DOCK1: variants seen among roughly 807,000 people sequenced by gnomAD.
DOCK1 encodes dedicator of cytokinesis 1.
A neutral mutation model predicts 262.7 loss-of-function variants in DOCK1; 138 were observed. The observed-to-expected ratio is 0.53, with a 90% confidence interval of 0.46 to 0.61. The LOEUF (loss-of-function observed/expected upper bound fraction) is 0.61, where lower values mean the gene tolerates loss of function less well. Ranked by LOEUF, DOCK1 falls within the 20% of genes least tolerant of loss-of-function variation. DOCK1 has a pLI of 0.00. For synonymous variants in DOCK1, 866 were observed against 867.4 expected (o/e 1.00, Z 0.03); for missense variants, 1,908 against 2,370.7 (o/e 0.80, Z 4.05).
At chr10:127,005,060 G>T (rs978706986) in intron 10 of DOCK1, among the ~76,000 whole-genome samples, 5 of 151,910 alleles carry the variant, frequency 3.3e-5, no homozygotes, top group African/African-American at 9.7e-5. Flanking sequence ...TACTTGGTCG[G>T]GTGCAGTGGC....
rs1444343204 is a variant in DOCK1, at chr10:127,100,308, A to G, written c.2446-5923A>G. The stretch of plus-strand genomic sequence containing the variant: ...TGTTCCGGGGGGAGTTAACAGCCTG[A>G]ACCGAGGGCTCTGTCGCTGCCTAGA... On this transcript the variant is annotated intron_variant, in intron 23 of 51. Coordinates refer to ENST00000623213, the MANE Select transcript of DOCK1 (RefSeq NM_001290223.2). This position sits in a 1 kb window ranked among gnomAD's most constrained non-coding sequence, Gnocchi z 5.5. 2.0e-5 allele frequency among the ~76,000 whole-genome samples: 3 copies of G among 152,086 alleles called. No individual in the cohort carries two copies. The highest frequency in any genetic ancestry group is 4.4e-5 in the Non-Finnish European group (3 of 68,018).
At chr10:127,288,014 TTA>T (rs1325146129) in intron 29 of DOCK1, among the ~76,000 whole-genome samples, 1 of 152,246 alleles carries the variant, frequency 6.6e-6, no homozygotes, top group Non-Finnish European at 1.5e-5. Flanking sequence ...AGAGTGTTTA[TTA>T]AAGGAAAGGA....
intron 29 of DOCK1, among the ~76,000 whole-genome samples, chr10:127,301,748 C>T (rs532008088): frequency 6.6e-6 from 1 of 152,110 alleles, no homozygotes; most frequent in South Asian, 2.1e-4. Context: ...GAGTTCGAGA[C>T]CAGCCTAGCC....
At chr10:127,285,000 G>A (rs1348618272) in intron 29 of DOCK1, among the ~76,000 whole-genome samples, 1 of 152,038 alleles carries the variant, frequency 6.6e-6, no homozygotes, top group South Asian at 2.1e-4. Flanking sequence ...AGCTGGGTGA[G>A]GTGGTGTGCC....
At chr10:127,040,181 A>T (rs1005002853) in intron 19 of DOCK1, among the ~76,000 whole-genome samples, 3 of 152,218 alleles carry the variant, frequency 2.0e-5, no homozygotes, top group African/African-American at 7.2e-5. Context: ...AGCAGATGGC[A>T]TCAAGTTTTG....
intron 23 of DOCK1, among the ~76,000 whole-genome samples, chr10:127,086,344 T>G (rs1449545846): frequency 6.6e-6 from 1 of 152,004 alleles, no homozygotes; most frequent in African/African-American, 2.4e-5. Flanking sequence ...AGTAACCTTC[T>G]CTTTGAGTCC....
At chr10:127,222,628 TTTGTGTTGTGTTGTG>T (rs71032542) in intron 27 of DOCK1, among the ~76,000 whole-genome samples, 4,633 of 145,610 alleles carry the variant, frequency 0.032, 145 homozygotes, top group African/African-American at 0.086. Flanking sequence ...GTGTTTTTGT[TTTGTGTTGTGTTGTG>T]TTGTGTTGTG....
At chr10:127,390,598 C>T (rs1239270982) in intron 38 of DOCK1, among the ~76,000 whole-genome samples, 2 of 152,072 alleles carry the variant, frequency 1.3e-5, no homozygotes, top group Non-Finnish European at 1.5e-5. Context: ...AGAAGGCAGC[C>T]ATCTACAAGC....
At chr10:127,008,638 T>G (rs2041204850) in intron 10 of DOCK1, 94 bp from the exon 11 acceptor site, 1 of 1,071,018 alleles carries the variant, frequency 9.3e-7, no homozygotes, top group African/African-American at 1.6e-5. Context: ...TTGCTGTTGT[T>G]TGCCAGAAGA....
At chr10:127,148,577 A>ATGTTTCAT (rs2052153952) in intron 27 of DOCK1, among the ~76,000 whole-genome samples, 1 of 152,184 alleles carries the variant, frequency 6.6e-6, no homozygotes, top group Non-Finnish European at 1.5e-5. Context: ...TTTGCCGATG[A>ATGTTTCAT]TGTTTCATTG....
chr10:127,137,521 A>T, intron 27 of DOCK1: 1 of 251,726 alleles, frequency 4.0e-6, no homozygotes, highest in East Asian at 8.0e-5. Context: ...GCCATCTCGC[A>T]GGTTGATAAT....
chr10:126,991,967 C>T (rs566009334), intron 6 of DOCK1, among the ~76,000 whole-genome samples: 1 of 152,288 alleles, frequency 6.6e-6, no homozygotes, highest in Non-Finnish European at 1.5e-5. Flanking sequence ...TCCAGCCATT[C>T]AGCAGAAAGG....
At chr10:127,180,746 A>C (rs2133960820) in intron 27 of DOCK1, among the ~76,000 whole-genome samples, 1 of 152,370 alleles carries the variant, frequency 6.6e-6, no homozygotes, top group East Asian at 1.9e-4. Flanking sequence ...ATTATGGTTT[A>C]CATTCACTCT....
intron 29 of DOCK1, among the ~76,000 whole-genome samples, chr10:127,327,959 T>C (rs552271672): frequency 6.6e-6 from 1 of 152,204 alleles, no homozygotes; most frequent in African/African-American, 2.4e-5. Flanking sequence ...CCTGTAGCTC[T>C]TCTCCAAGGG....
Position 127,226,991 on chromosome 10 carries a change from A to G in DOCK1, c.2848-21017A>G, listed in dbSNP as rs557720675. On this transcript the variant is annotated intron_variant, in intron 27 of 51. Transcript: ENST00000623213. ...CTCACTAGACACAGGGGCAGAGACC[A>G]TGTTGCGTATTTTCTTCCATGCCCC... is the stretch of plus-strand genomic sequence containing the variant. 3.3e-5 allele frequency among the ~76,000 whole-genome samples: 5 copies of G among 152,220 alleles called. No homozygotes were observed. In the South Asian group the frequency reaches 1.0e-3, roughly 32 times the overall value.
chr10:126,974,271 C>T (rs2038342582), intron 2 of DOCK1, among the ~76,000 whole-genome samples: 1 of 152,166 alleles, frequency 6.6e-6, no homozygotes, highest in Non-Finnish European at 1.5e-5. Flanking sequence ...AGATGCTGCA[C>T]CAGAGGCAAG....
At position 127,451,520 on chromosome 10, in the gene DOCK1, G is replaced by A; in HGVS notation, c.*93G>A. 1 of 1,535,724 alleles carries A rather than the reference G, an allele frequency of 6.5e-7. No homozygotes were observed. The highest frequency in any genetic ancestry group is 1.4e-5 in the African/African-American group (1 of 72,916). On this transcript the variant is annotated 3_prime_UTR_variant, in exon 52 of 52. Coordinates refer to ENST00000623213, the MANE Select transcript of DOCK1 (RefSeq NM_001290223.2). ...CCTGAGTCTGCTGTTTACCTCATTGGGCCTGTGATGTTAACATTTCGTGCG... is the reference window on the plus strand; with the variant it reads ...CCTGAGTCTGCTGTTTACCTCATTGAGCCTGTGATGTTAACATTTCGTGCG...
intron 30 of DOCK1, among the ~76,000 whole-genome samples, 198 bp from the exon 31 acceptor site, chr10:127,343,448 C>T (rs771069010): frequency 6.6e-6 from 1 of 151,986 alleles, no homozygotes; most frequent in South Asian, 2.1e-4. Context: ...ATATGTGCAC[C>T]GTGACCTCTG....
chr10:126,947,210 T>A (rs2134308036), intron 1 of DOCK1, among the ~76,000 whole-genome samples: 1 of 151,040 alleles, frequency 6.6e-6, no homozygotes, highest in East Asian at 1.9e-4. Context: ...AGTTTACCTC[T>A]GCCATGATGA....
Sources: allele counts gnomAD v4.1 joint callset (sites outside exome capture counted in the v4.1 genomes callset), GRCh38; gene constraint gnomAD v4.1.1; non-coding constraint Gnocchi (gnomAD v3.1); transcripts MANE v1.5; gene names NCBI Gene and HGNC (gene_info 2026-07-23, HGNC 2026-07-21).